PADI1: variants seen among roughly 807,000 people sequenced by gnomAD.
The protein encoded by PADI1 is peptidyl arginine deiminase 1.
A neutral mutation model predicts 74.8 loss-of-function variants in PADI1; 65 were observed. The observed-to-expected ratio is 0.87, with a 90% confidence interval of 0.71 to 1.07. The LOEUF (loss-of-function observed/expected upper bound fraction) is 1.07, where lower values mean the gene tolerates loss of function less well. Among genes scored for constraint, PADI1 ranks in the 50% least tolerant of loss-of-function variants. The probability of loss-of-function intolerance (pLI) is 0.00; values close to 1 mark genes in which losing one functional copy is unlikely to be tolerated. For synonymous variants in PADI1, 371 were observed against 336.2 expected (o/e 1.10, Z -1.13); for missense variants, 943 against 854.0 (o/e 1.10, Z -1.30).
At chr1:17,230,931 C>A (rs2977236) in intron 10 of PADI1, among the ~76,000 whole-genome samples, 2 of 151,982 alleles carry the variant, frequency 1.3e-5, no homozygotes, top group Admixed American at 6.5e-5. Context: ...GGTCAGCAGC[C>A]CTCTTCTGGA....
intron 12 of PADI1, among the ~76,000 whole-genome samples, chr1:17,238,345 A>G (rs551713430): frequency 1.1e-3 from 161 of 152,358 alleles, no homozygotes; most frequent in South Asian, 5.2e-3. Context: ...CCCAGCCCTG[A>G]ATTGGGCCTT....
intron 11 of PADI1, among the ~76,000 whole-genome samples, chr1:17,233,332 G>T (rs1481184469): frequency 6.6e-6 from 1 of 152,216 alleles, no homozygotes; most frequent in East Asian, 1.9e-4. Flanking sequence ...AGAGACAGAG[G>T]AATAGACTCA....
At chr1:17,208,660 C>T (rs138085802) in intron 1 of PADI1, among the ~76,000 whole-genome samples, 34 of 151,576 alleles carry the variant, frequency 2.2e-4, no homozygotes, top group African/African-American at 7.7e-4. Flanking sequence ...TAGCTCACCA[C>T]ACTGACCCCC....
At chr1:17,216,518 A>G (rs572692980) in intron 1 of PADI1, among the ~76,000 whole-genome samples, 21 of 152,070 alleles carry the variant, frequency 1.4e-4, no homozygotes, top group African/African-American at 5.1e-4. Flanking sequence ...GTTTGAAAGG[A>G]GTGGGGAAGG....
intron 1 of PADI1, among the ~76,000 whole-genome samples, chr1:17,215,562 T>C (rs944862704): frequency 6.6e-6 from 1 of 151,504 alleles, no homozygotes; most frequent in African/African-American, 2.4e-5. Context: ...GGAGCAGGAG[T>C]CACCCATGAG....
chr1:17,219,542 G>T (rs2072076581), intron 1 of PADI1, among the ~76,000 whole-genome samples: 1 of 152,126 alleles, frequency 6.6e-6, no homozygotes, highest in Non-Finnish European at 1.5e-5. Context: ...TGGATGAGAG[G>T]TCAAGGGACT....
chr1:17,237,534 C>T, intron 12 of PADI1, 76 bp downstream of exon 12: 2 of 1,406,046 alleles, frequency 1.4e-6, no homozygotes, highest in South Asian at 2.9e-5. Flanking sequence ...GCAAAGCCAT[C>T]TGGAACCAGC....
intron 6 of PADI1, among the ~76,000 whole-genome samples, chr1:17,228,104 C>T (rs2072374032): frequency 6.6e-6 from 1 of 152,178 alleles, no homozygotes; most frequent in African/African-American, 2.4e-5. Flanking sequence ...GATACTCCCA[C>T]CTCAGCCTCC....
intron 11 of PADI1, among the ~76,000 whole-genome samples, chr1:17,235,736 C>T (rs2072626681): frequency 1.3e-5 from 2 of 152,230 alleles, no homozygotes; most frequent in African/African-American, 4.8e-5. Context: ...ACTTTGCTCC[C>T]TTCTCTGTCC....
chr1:17,219,228 G>C (rs1457619672), intron 1 of PADI1, among the ~76,000 whole-genome samples: 2 of 152,052 alleles, frequency 1.3e-5, no homozygotes, highest in African/African-American at 4.8e-5. Flanking sequence ...GAGCAAGGGG[G>C]TGGCCGCAGC....
At chr1:17,211,581 T>G (rs1345680285) in intron 1 of PADI1, among the ~76,000 whole-genome samples, 1 of 152,140 alleles carries the variant, frequency 6.6e-6, no homozygotes, top group Non-Finnish European at 1.5e-5. Context: ...TTAAGAGACT[T>G]TTCTGAAGTC....
rs780774462 is a variant in PADI1 at position 17,244,051 on chromosome 1, GC to G, written c.1803del (p.Tyr602ThrfsTer152). 1.5e-5 allele frequency: 24 copies of G among 1,614,084 alleles called. No homozygotes were observed. Among genetic ancestry groups the G allele is most frequent in the African/African-American group, 4.0e-5 (3 of 74,944 alleles). ...VLGKYLGIPK[P>X]YGPIINGRCC... ...TAGGCAAGTACCTGGGCATCCCCAA[GC>G]CCTACGGGCCCATCATCAATGGCCG... On this transcript the variant is annotated frameshift_variant, in exon 16 of 16. Transcript: ENST00000375471. LOFTEE classifies it high-confidence loss of function.
intron 11 of PADI1, among the ~76,000 whole-genome samples, chr1:17,234,693 T>C (rs2072584924): frequency 6.6e-6 from 1 of 152,220 alleles, no homozygotes; most frequent in Admixed American, 6.5e-5. Context: ...GGAGACTTCC[T>C]ATAGGCCAAG....
chr1:17,208,411 C>A (rs1205294391), intron 1 of PADI1, among the ~76,000 whole-genome samples: 1 of 152,068 alleles, frequency 6.6e-6, no homozygotes, highest in East Asian at 1.9e-4. Flanking sequence ...ACCCTGTCCA[C>A]CCCCGACTCC....
rs776137539 is a variant in PADI1 at position 17,244,464 on chromosome 1, C to T, written c.*221C>T. On this transcript the variant is annotated 3_prime_UTR_variant, in exon 16 of 16. Coordinates refer to ENST00000375471, the MANE Select transcript of PADI1 (RefSeq NM_013358.3). The stretch of plus-strand genomic sequence containing the variant: ...AAGAATGCACCTCATTCTTCCCTGG[C>T]CTCTTTCCCACCCACAGCCCCCAGA... 1.4e-5 allele frequency: 9 copies of T among 648,034 alleles called. No individual in the cohort carries two copies. The highest frequency in any genetic ancestry group is 2.4e-4 in the Middle Eastern group (1 of 4,140). 40.1% of individuals were successfully genotyped at this position (648,034 alleles called of 1,614,324 possible). A position where few individuals can be genotyped will look rare whatever the true frequency, so the allele number is the denominator to read the frequency against.
chr1:17,226,916 C>T (rs949190414), intron 6 of PADI1, among the ~76,000 whole-genome samples: 13 of 151,880 alleles, frequency 8.6e-5, no homozygotes, highest in Non-Finnish European at 1.2e-4. Context: ...CCAGGTGTGG[C>T]GGCAGGTGCC....
intron 1 of PADI1, among the ~76,000 whole-genome samples, chr1:17,219,420 C>T (rs1393350029): frequency 5.9e-5 from 9 of 151,978 alleles, no homozygotes; most frequent in Admixed American, 1.3e-4. Context: ...AAGCGGTGTC[C>T]GAGTGGGTTG....
chr1:17,243,387 ACCAG>A (rs2072815878), intron 15 of PADI1, among the ~76,000 whole-genome samples: 1 of 152,272 alleles, frequency 6.6e-6, no homozygotes, highest in Non-Finnish European at 1.5e-5. Context: ...GGATTTTGGC[ACCAG>A]CCAGATCCAA....
intron 10 of PADI1, 42 bp downstream of exon 10, chr1:17,230,721 C>G: frequency 8.8e-7 from 1 of 1,131,198 alleles, no homozygotes; most frequent in Non-Finnish European, 1.3e-6. Flanking sequence ...TGGTTGGGTC[C>G]TCCTGGAGGC....
Sources: gnomAD v4.1 joint callset for allele counts (sites outside exome capture counted in the v4.1 genomes callset) on GRCh38, gnomAD v4.1.1 for gene constraint, MANE v1.5 for transcripts, NCBI Gene and HGNC (gene_info 2026-07-23, HGNC 2026-07-21) for gene names.